AGAP2: variants seen among roughly 807,000 people sequenced by gnomAD.
AGAP2 encodes the protein arf-GAP with GTPase, ANK repeat and PH domain-containing protein 2.
Under a neutral mutation model 110.9 loss-of-function variants are expected in AGAP2, and 32 were observed. The observed-to-expected ratio is 0.29, with a 90% confidence interval of 0.22 to 0.39. AGAP2 has a LOEUF of 0.39. Ranked by LOEUF, AGAP2 falls within the 10% of genes least tolerant of loss-of-function variation. The pLI, the probability that AGAP2 is intolerant of heterozygous loss-of-function variation, is 1.00. For missense variants in AGAP2, 1,285 were observed against 1,638.5 expected, an observed-to-expected ratio of 0.78 and a Z score of 3.72; for synonymous variants, 702 against 713.0, an observed-to-expected ratio of 0.98 and a Z score of 0.25.
intron 1 of AGAP2, among the ~76,000 whole-genome samples, chr12:57,736,219 C>T (rs1954979132): frequency 6.6e-6 from 1 of 152,168 alleles, no homozygotes; most frequent in Non-Finnish European, 1.5e-5. Context: ...CCCCGGGGGC[C>T]GCCTCCGCTC....
intron 5 of AGAP2, among the ~76,000 whole-genome samples, chr12:57,733,474 C>G (rs1199855371): frequency 6.6e-6 from 1 of 152,138 alleles, no homozygotes; most frequent in Admixed American, 6.5e-5. Context: ...CCAAGTCCCA[C>G]CAGCTCGACA....
Position 57,737,970 on chromosome 12 carries a change from G to C in AGAP2, c.277C>G (p.Leu93Val), listed in dbSNP as rs1315634435. Residue 93 changes from leucine (L) to valine (V), a missense_variant, in exon 1 of 19, where the codon CTG becomes GTG. Physicochemically the swap from Leu to Val is conservative, Grantham distance 32. Transcript: ENST00000547588. The surrounding 1 kb of genome is among the most constrained non-coding windows in gnomAD (Gnocchi z 5.9). ...AGTGGAEPPA[L>V]SPAPASPARP... ...GCCGGACTGGCCGGAGCCGGGGACA[G>C]GGCTGGGGGCTCCGCGCCCCCGGTG... 3.5e-6 allele frequency: 5 copies of C among 1,433,188 alleles called. No individual in the cohort carries two copies. The South Asian group carries it at 4.3e-5, about 12-fold the overall frequency. 88.8% of individuals were successfully genotyped at this position (1,433,188 alleles called of 1,614,324 possible).
Position 57,737,073 on chromosome 12 carries a change from A to G in AGAP2, c.1168+6T>C. 1 of 1,513,280 alleles carries G rather than the reference A, an allele frequency of 6.6e-7. No homozygotes were observed. Among genetic ancestry groups the G allele is most frequent in the Non-Finnish European group, 8.8e-7 (1 of 1,131,126 alleles). The allele number at this position is 1,513,280 out of a possible 1,614,324, so 93.7% of individuals were successfully genotyped here. A position where few individuals can be genotyped will look rare whatever the true frequency, so the allele number is the denominator to read the frequency against. ...CTCCCTGTTCTCAAGCCCTGACTCA[A>G]CTCACTAGGGGAAGCGCGGAGCTCG... On this transcript the variant is annotated splice_donor_region_variant and intron_variant, in intron 1 of 18. Coordinates refer to ENST00000547588, the MANE Select transcript of AGAP2 (RefSeq NM_001122772.3). This position sits in a 1 kb window ranked among gnomAD's most constrained non-coding sequence, Gnocchi z 5.9.
intron 12 of AGAP2, 39 bp from the exon 13 acceptor site, chr12:57,729,806 C>T: frequency 6.4e-7 from 1 of 1,559,428 alleles, no homozygotes; most frequent in South Asian, 1.2e-5. Context: ...TAGCCCCCTC[C>T]ACAGATTTCC....
chr12:57,734,938 A>G (rs146197865), intron 2 of AGAP2, among the ~76,000 whole-genome samples: 98 of 152,018 alleles, frequency 6.4e-4, no homozygotes, highest in African/African-American at 2.2e-3. Context: ...AATGTCAGCA[A>G]TTCAGTACCA....
chr12:57,735,113 T>C (rs958286559), intron 2 of AGAP2, among the ~76,000 whole-genome samples: 10 of 151,668 alleles, frequency 6.6e-5, no homozygotes, highest in African/African-American at 2.2e-4. Context: ...ATACCAGAAA[T>C]GAGAAGCCTG....
rs1218194561 is a variant in AGAP2 at position 57,738,265 on chromosome 12, A to T, written c.-19T>A. 6.7e-7 allele frequency: 1 copy of T among 1,497,836 alleles called. No individual in the cohort carries two copies. The highest frequency in any genetic ancestry group is 8.9e-7 in the Non-Finnish European group (1 of 1,128,660). The allele number at this position is 1,497,836 out of a possible 1,614,324, so 92.8% of individuals were successfully genotyped here. ...GGCTCATGGGGCCCGGAGACCCCCG[A>T]GCTGGGGAGGGGAGGGGACTCCCCC... On this transcript the variant is annotated 5_prime_UTR_variant, in exon 1 of 19. Coordinates refer to ENST00000547588, the MANE Select transcript of AGAP2 (RefSeq NM_001122772.3). The surrounding 1 kb of genome is among the most constrained non-coding windows in gnomAD (Gnocchi z 6.7).
upstream of AGAP2, chr12:57,741,889 T>C (rs767736373): frequency 1.6e-5 from 26 of 1,607,336 alleles, no homozygotes; most frequent in Non-Finnish European, 2.0e-5. Context: ...TACACCCAAG[T>C]TGAGGGCTGA....
Position 57,737,103 on chromosome 12 carries a change from C to T in AGAP2, c.1144G>A (p.Gly382Ser), listed in dbSNP as rs1240141204. 1 of 1,555,376 alleles carries T rather than the reference C, an allele frequency of 6.4e-7. No individual in the cohort carries two copies. The highest frequency in any genetic ancestry group is 8.7e-7 in the Non-Finnish European group (1 of 1,151,398). Residue 382 changes from glycine to serine, a missense_variant, in exon 1 of 19, where the codon GGC (glycine) becomes AGC (serine). Physicochemically the swap from Gly to Ser is moderately conservative, Grantham distance 56 (BLOSUM62 0). Transcript: ENST00000547588. This position sits in a 1 kb window ranked among gnomAD's most constrained non-coding sequence, Gnocchi z 5.9. Reference sequence around the variant, plus strand: ...CTAGGGGAAGCGCGGAGCTCGGCGCCCAGCAGCTCCCTGGACCCGCTGCCA... The same window carrying T: ...CTAGGGGAAGCGCGGAGCTCGGCGCTCAGCAGCTCCCTGGACCCGCTGCCA... ...SSGSGSRELL[G>S]AELRASPKAV... is the part of the protein sequence containing the mutation.
chr12:57,730,581 C>A lies in AGAP2; in HGVS notation c.2342G>T (p.Ser781Ile), dbSNP rs981477722. ...ATTPMPSPSP[S>I]PSSLQPPPDQ... ...TGGTGGTGGCTGCAGGGAACTGGGG[C>A]TGGGGCTAGGGCTTGGCATGGGAGT... Residue 781 changes from serine to isoleucine, a missense_variant, in exon 12 of 19, where the codon AGC (serine) becomes ATC (isoleucine). Transcript: ENST00000547588. 3.1e-6 allele frequency: 5 copies of A among 1,613,986 alleles called. No individual in the cohort carries two copies. In the African/African-American group the frequency reaches 6.7e-5, roughly 22 times the overall value.
intron 6 of AGAP2, 138 bp from the exon 7 acceptor site, chr12:57,732,650 C>A (rs1469586003): frequency 7.7e-7 from 1 of 1,302,444 alleles, no homozygotes; most frequent in Non-Finnish European, 1.1e-6. Flanking sequence ...CCACCTGTGG[C>A]CTTGCCAGCT....
At chr12:57,741,864 C>T, upstream of AGAP2, 1 of 1,592,656 alleles carries the variant, frequency 6.3e-7, no homozygotes. Context: ...CTTCTATGCA[C>T]CTGCTAGTCC....
downstream of AGAP2, chr12:57,724,715 G>A (rs1954733565): frequency 6.6e-6 from 1 of 152,272 alleles, no homozygotes; most frequent in Non-Finnish European, 1.5e-5. Flanking sequence ...GCTGGCTCGG[G>A]GCAGCCCTCC....
chr12:57,723,768 G>A (rs972733110), downstream of AGAP2: 2 of 152,256 alleles, frequency 1.3e-5, no homozygotes, highest in Non-Finnish European at 2.9e-5. Flanking sequence ...GGATTACTTG[G>A]TGTTGGGATT....
upstream of AGAP2, chr12:57,742,154 C>A (rs1298527870): frequency 6.0e-6 from 9 of 1,496,922 alleles, no homozygotes; most frequent in East Asian, 1.6e-4. Flanking sequence ...CCTCAGAAGG[C>A]CCCTTCTGCT....
In AGAP2 at chr12:57,738,382, C is replaced by A. The variant is rs1198253133; in HGVS notation, c.-136G>T. ...TGAGCCCCCGGCCCGGCTCCGCTGTCGCCGCCGCCTCCGCCGCCTCCGCTT... is the reference window on the plus strand; with the variant it reads ...TGAGCCCCCGGCCCGGCTCCGCTGTAGCCGCCGCCTCCGCCGCCTCCGCTT... On this transcript the variant is annotated 5_prime_UTR_variant, in exon 1 of 19. Coordinates refer to ENST00000547588, the MANE Select transcript of AGAP2 (RefSeq NM_001122772.3). The surrounding 1 kb of genome is among the most constrained non-coding windows in gnomAD (Gnocchi z 6.7). 8.7e-7 allele frequency: 1 copy of A among 1,143,186 alleles called. No individual in the cohort carries two copies. Among genetic ancestry groups the A allele is most frequent in the Non-Finnish European group, 1.1e-6 (1 of 912,102 alleles). 70.8% of individuals were successfully genotyped at this position (1,143,186 alleles called of 1,614,324 possible).
At chr12:57,736,571 A>C (rs1038609309) in intron 1 of AGAP2, among the ~76,000 whole-genome samples, 2 of 152,202 alleles carry the variant, frequency 1.3e-5, no homozygotes, top group Non-Finnish European at 2.9e-5. Flanking sequence ...ATCCGCCTTC[A>C]CCGCACGAAA....
At chr12:57,736,189 C>T (rs1388931027) in intron 1 of AGAP2, among the ~76,000 whole-genome samples, 1 of 152,124 alleles carries the variant, frequency 6.6e-6, no homozygotes, top group East Asian at 1.9e-4. Flanking sequence ...CCATCTGCTC[C>T]CACCCGCTCC....
chr12:57,728,335 C>T lies in AGAP2; in HGVS notation c.2600G>A (p.Arg867Lys). ...CTTGTTACCTGCTTTATAAATATTT[C>T]TTAAACTACCAAAGGATTTTAGTTT... ...MWKLKSFGSL[R>K]NIYKAEENFE... The change falls in exon 14 of 19, where the codon AGA becomes AAA. Residue 867 changes from arginine to lysine, a missense_variant. Transcript: ENST00000547588. 1 of 1,613,966 alleles carries T rather than the reference C, an allele frequency of 6.2e-7. No individual in the cohort carries two copies. Among genetic ancestry groups the T allele is most frequent in the Non-Finnish European group, 8.5e-7 (1 of 1,179,880 alleles).
Sources: allele counts gnomAD v4.1 joint callset (sites outside exome capture counted in the v4.1 genomes callset), GRCh38; gene constraint gnomAD v4.1.1; non-coding constraint Gnocchi (gnomAD v3.1); transcripts MANE v1.5; gene names NCBI Gene and HGNC (gene_info 2026-07-23, HGNC 2026-07-21).